The following TUSC3 variants were observed in gnomAD, a reference collection of about 807,000 sequenced individuals.
The protein encoded by TUSC3 is tumor suppressor candidate 3.
TUSC3 carries 45 observed loss-of-function variants against 44.8 expected under a neutral mutation model. The ratio of observed to expected loss-of-function variants is 1.00; its 90% CI spans 0.79 to 1.29. TUSC3 has a LOEUF of 1.29. Ranked by LOEUF, TUSC3 falls within the 50% of genes most tolerant of loss-of-function variation. The pLI is 0.00. For missense variants in TUSC3, 519 were observed against 437.9 expected (o/e 1.19, Z -1.65); for synonymous variants, 212 against 152.9 (o/e 1.39, Z -2.85).
intron 5 of TUSC3, among the ~76,000 whole-genome samples, chr8:15,669,669 G>A (rs922673301): frequency 6.6e-6 from 1 of 151,712 alleles, no homozygotes; most frequent in Non-Finnish European, 1.5e-5. Flanking sequence ...CAGTGTTTAT[G>A]TGGGAATAAG....
intron 1 of TUSC3, among the ~76,000 whole-genome samples, chr8:15,462,282 C>G (rs1800356379): frequency 6.6e-6 from 1 of 152,000 alleles, no homozygotes; most frequent in Non-Finnish European, 1.5e-5. Flanking sequence ...TGACTTTTAT[C>G]TAGAATATAT....
At chr8:15,689,068 C>A (rs1055195063) in intron 6 of TUSC3, 2 of 346,624 alleles carry the variant, frequency 5.8e-6, no homozygotes, top group Non-Finnish European at 1.1e-5. Context: ...TTTACAAAAT[C>A]TTCTGCCCTG....
At chr8:15,594,682 T>A (rs1803990525) in intron 1 of TUSC3, among the ~76,000 whole-genome samples, 1 of 152,230 alleles carries the variant, frequency 6.6e-6, no homozygotes, top group African/African-American at 2.4e-5. Context: ...TCAATTTGGC[T>A]GGTGGGAACA....
Position 15,669,084 on chromosome 8 carries a change from C to T in TUSC3, c.709-4663C>T, listed in dbSNP as rs552107365. ...AGATCAAATGTAGACAGAGCTTTGC[C>T]AGGGCCATATCCAGCCATGGCTCAG... is the stretch of plus-strand genomic sequence containing the variant. On this transcript the variant is annotated intron_variant, in intron 5 of 10. Transcript: ENST00000503731. Among the ~76,000 whole-genome samples, 11 of 151,810 alleles carry T rather than the reference C, an allele frequency of 7.2e-5. No homozygotes were observed. The East Asian group carries it at 1.8e-3, about 24-fold the overall frequency.
intron 4 of TUSC3, among the ~76,000 whole-genome samples, chr8:15,661,307 A>T (rs1807413195): frequency 6.6e-6 from 1 of 152,016 alleles, no homozygotes; most frequent in South Asian, 2.1e-4. Context: ...CTAGAGTTAG[A>T]TATTTCATTT....
chr8:15,730,273 G>A (rs1279389470), intron 6 of TUSC3, among the ~76,000 whole-genome samples: 3 of 151,978 alleles, frequency 2.0e-5, no homozygotes, highest in Non-Finnish European at 4.4e-5. Flanking sequence ...TTGATAATGT[G>A]GAAAGGAGTG....
At chr8:15,790,131 G>T in the TUSC3 span, among the ~76,000 whole-genome samples, 1 of 149,374 alleles carries the variant, frequency 6.7e-6, no homozygotes, top group Non-Finnish European at 1.5e-5. Flanking sequence ...TAACGTCCTG[G>T]TTGTTGCCAT....
At chr8:15,676,036 T>C (rs1349956337) in intron 6 of TUSC3, among the ~76,000 whole-genome samples, 1 of 152,164 alleles carries the variant, frequency 6.6e-6, no homozygotes, top group Non-Finnish European at 1.5e-5. Flanking sequence ...ATTGTACTAA[T>C]TTACATTCCC....
At chr8:15,738,841 T>C (rs1169631508) in intron 7 of TUSC3, among the ~76,000 whole-genome samples, 14 of 132,350 alleles carry the variant, frequency 1.1e-4, no homozygotes, top group South Asian at 2.5e-4. Flanking sequence ...TTTTTTTTTT[T>C]TTTTTTTTTG....
intron 1 of TUSC3, among the ~76,000 whole-genome samples, chr8:15,452,921 T>G (rs1800212243): frequency 6.6e-6 from 1 of 152,178 alleles, no homozygotes; most frequent in Admixed American, 6.5e-5. Context: ...TTTCTTTACC[T>G]ACAATTGTCT....
intron 6 of TUSC3, among the ~76,000 whole-genome samples, chr8:15,724,251 T>A (rs1393333189): frequency 6.6e-6 from 1 of 152,128 alleles, no homozygotes; most frequent in African/African-American, 2.4e-5. Context: ...TCTTGAACTG[T>A]GAGAAAATAA....
the TUSC3 span, among the ~76,000 whole-genome samples, chr8:15,820,262 G>T: frequency 6.9e-6 from 1 of 145,186 alleles, no homozygotes; most frequent in Non-Finnish European, 1.5e-5. Context: ...GTAATATTTT[G>T]TTAAGAATTT....
At chr8:15,807,793 A>C in the TUSC3 span, among the ~76,000 whole-genome samples, 1 of 152,216 alleles carries the variant, frequency 6.6e-6, no homozygotes, top group Admixed American at 6.5e-5. Flanking sequence ...GTTCTCATTT[A>C]TAAGTGGGAG....
chr8:15,576,784 G>A lies in TUSC3; in HGVS notation c.138+36216G>A, dbSNP rs1246461604. 5.0e-5 allele frequency among the ~76,000 whole-genome samples: 7 copies of A among 139,906 alleles called. No individual in the cohort carries two copies. In the East Asian group the frequency reaches 8.4e-4, roughly 17 times the overall value. 91.8% of individuals were successfully genotyped at this position (139,906 alleles called of 152,430 possible). A position where few individuals can be genotyped will look rare whatever the true frequency, so the allele number is the denominator to read the frequency against. On this transcript the variant is annotated intron_variant, in intron 1 of 10. Transcript: ENST00000503731. Reference sequence around the variant, plus strand: ...CCGCAATAAACATACGTGTGCATGTGTCTTTATAGCAGCACGATTTATAGT... The same window carrying A: ...CCGCAATAAACATACGTGTGCATGTATCTTTATAGCAGCACGATTTATAGT...
chr8:15,784,677 T>C, the TUSC3 span, among the ~76,000 whole-genome samples: 1 of 152,172 alleles, frequency 6.6e-6, no homozygotes, highest in African/African-American at 2.4e-5. Flanking sequence ...AGACAAATAC[T>C]GCATGATTTC....
intron 2 of TUSC3, among the ~76,000 whole-genome samples, chr8:15,642,775 TTTG>T (rs1210917454): frequency 6.6e-6 from 1 of 152,174 alleles, no homozygotes; most frequent in Non-Finnish European, 1.5e-5. Context: ...TTTACATTGC[TTTG>T]TTGTTTTGTT....
chr8:15,510,363 G>A (rs13248175), intron 2 of TUSC3, among the ~76,000 whole-genome samples: 10,369 of 152,102 alleles, frequency 0.068, 512 homozygotes, highest in South Asian at 0.2. Flanking sequence ...ACTGATCAGG[G>A]AAAGAAGAGA....
chr8:15,481,025 A>G (rs1168974125), intron 1 of TUSC3, among the ~76,000 whole-genome samples: 1 of 152,132 alleles, frequency 6.6e-6, no homozygotes, highest in Non-Finnish European at 1.5e-5. Flanking sequence ...AGGTGGGCAG[A>G]TCATTTGAGG....
chr8:15,535,189 A>G (rs547689125), intron 2 of TUSC3, among the ~76,000 whole-genome samples: 1 of 152,364 alleles, frequency 6.6e-6, no homozygotes, highest in East Asian at 1.9e-4. Flanking sequence ...GATTCTGGAA[A>G]TTAATTCTTG....
Sources: allele counts gnomAD v4.1 joint callset (sites outside exome capture counted in the v4.1 genomes callset), GRCh38; gene constraint gnomAD v4.1.1; transcripts MANE v1.5; gene names NCBI Gene and HGNC (gene_info 2026-07-23, HGNC 2026-07-21).